Variants in RCAN2 observed in about 807,000 individuals in gnomAD.
The protein encoded by RCAN2 is calcipressin-2.
A neutral mutation model predicts 23.6 loss-of-function variants in RCAN2; 9 were observed. The ratio of observed to expected loss-of-function variants is 0.38; its 90% CI spans 0.23 to 0.67. RCAN2 has a LOEUF of 0.67. Ranked by LOEUF, RCAN2 falls within the 30% of genes least tolerant of loss-of-function variation. The pLI, the probability that RCAN2 is intolerant of heterozygous loss-of-function variation, is 0.51. For missense variants in RCAN2, 273 were observed against 302.3 expected (o/e 0.90, Z 0.72); for synonymous variants, 109 against 115.7 (o/e 0.94, Z 0.37).
intron 4 of RCAN2, among the ~76,000 whole-genome samples, chr6:46,229,201 C>T (rs956379673): frequency 6.6e-6 from 1 of 152,160 alleles, no homozygotes. Flanking sequence ...CTGCCCTTAA[C>T]ATTTTTTCCT....
At chr6:46,367,690 GATTTA>G (rs1349097046) in intron 2 of RCAN2, among the ~76,000 whole-genome samples, 1 of 152,068 alleles carries the variant, frequency 6.6e-6, no homozygotes, top group East Asian at 1.9e-4. Context: ...TTTTCTTTCT[GATTTA>G]ATTTTTCTTA....
At chr6:46,298,406 A>C (rs970871684) in intron 2 of RCAN2, among the ~76,000 whole-genome samples, 1 of 152,074 alleles carries the variant, frequency 6.6e-6, no homozygotes, top group African/African-American at 2.4e-5. Context: ...TGAGCAAACC[A>C]GGTATCACAT....
intron 1 of RCAN2, among the ~76,000 whole-genome samples, chr6:46,462,990 C>T (rs1768267292): frequency 6.6e-6 from 1 of 152,142 alleles, no homozygotes; most frequent in South Asian, 2.1e-4. Flanking sequence ...ATGAGAACAA[C>T]CTGGGAGCCA....
intron 1 of RCAN2, among the ~76,000 whole-genome samples, chr6:46,480,798 TG>T (rs1261231640): frequency 6.6e-6 from 1 of 152,134 alleles, no homozygotes; most frequent in African/African-American, 2.4e-5. Context: ...GCTAATTTTT[TG>T]TTTTAGTAGA....
intron 2 of RCAN2, among the ~76,000 whole-genome samples, chr6:46,423,719 A>G (rs915831722): frequency 6.6e-6 from 1 of 152,136 alleles, no homozygotes; most frequent in African/African-American, 2.4e-5. Context: ...ATTGTCTTAG[A>G]TAGTTACAAT....
chr6:46,461,151 G>A (rs978310150), intron 1 of RCAN2, among the ~76,000 whole-genome samples: 1 of 152,116 alleles, frequency 6.6e-6, no homozygotes, highest in African/African-American at 2.4e-5. Context: ...TAACATTTTG[G>A]TATATTTCAT....
intron 2 of RCAN2, among the ~76,000 whole-genome samples, chr6:46,418,266 T>C (rs1424733849): frequency 7.2e-5 from 11 of 152,186 alleles, no homozygotes; most frequent in African/African-American, 2.2e-4. Flanking sequence ...AACTAAGTTA[T>C]ATAAATGTGC....
intron 4 of RCAN2, among the ~76,000 whole-genome samples, chr6:46,227,890 C>T (rs569399320): frequency 3.4e-4 from 52 of 152,194 alleles, no homozygotes; most frequent in Middle Eastern, 3.4e-3. Context: ...TAGATCTTTC[C>T]TGCTTTCTCT....
At chr6:46,474,001 G>A (rs1210485258) in intron 1 of RCAN2, among the ~76,000 whole-genome samples, 2 of 152,168 alleles carry the variant, frequency 1.3e-5, no homozygotes, top group Non-Finnish European at 2.9e-5. Context: ...GACTCATCCT[G>A]AGTGGGTGGT....
At chr6:46,350,627 G>A (rs889803231) in intron 2 of RCAN2, among the ~76,000 whole-genome samples, 3 of 152,300 alleles carry the variant, frequency 2.0e-5, no homozygotes, top group Non-Finnish European at 2.9e-5. Flanking sequence ...GGCAAGCTAT[G>A]AGCTGAATAA....
chr6:46,452,940 T>TA (rs1406062438), intron 2 of RCAN2, among the ~76,000 whole-genome samples: 1 of 151,982 alleles, frequency 6.6e-6, no homozygotes, highest in Non-Finnish European at 1.5e-5. Flanking sequence ...AGTATAATAA[T>TA]AAAAAAAAGT....
chr6:46,339,930 G>T (rs6911474), intron 2 of RCAN2, among the ~76,000 whole-genome samples: 64,029 of 151,760 alleles, frequency 0.42, 14,942 homozygotes, highest in East Asian at 0.6. Context: ...TAATGTATAT[G>T]ACTTTCACAT....
chr6:46,433,669 C>T (rs549531719), intron 2 of RCAN2, among the ~76,000 whole-genome samples: 1 of 152,296 alleles, frequency 6.6e-6, no homozygotes, highest in East Asian at 1.9e-4. Context: ...GAAATGGATT[C>T]TTCTCAAGAG....
intron 2 of RCAN2, among the ~76,000 whole-genome samples, chr6:46,257,307 A>G (rs1766951598): frequency 6.6e-6 from 1 of 152,222 alleles, no homozygotes; most frequent in Non-Finnish European, 1.5e-5. Flanking sequence ...CTAAAATATT[A>G]TCTCACTGAA....
At chr6:46,346,780 T>A (rs1764494870) in intron 2 of RCAN2, among the ~76,000 whole-genome samples, 1 of 152,030 alleles carries the variant, frequency 6.6e-6, no homozygotes, top group South Asian at 2.1e-4. Context: ...TTTTGTATTT[T>A]CTAAATCATC....
chr6:46,291,087 C>A (rs1372930818), intron 2 of RCAN2, among the ~76,000 whole-genome samples: 1 of 152,032 alleles, frequency 6.6e-6, no homozygotes, highest in Non-Finnish European at 1.5e-5. Flanking sequence ...AGTTTAGAAG[C>A]AAAGAGTACT....
At chr6:46,311,908 A>G (rs1763271167) in intron 2 of RCAN2, among the ~76,000 whole-genome samples, 1 of 152,104 alleles carries the variant, frequency 6.6e-6, no homozygotes, top group African/African-American at 2.4e-5. Flanking sequence ...TGGGCATAGG[A>G]CCACACAGGA....
intron 1 of RCAN2, among the ~76,000 whole-genome samples, chr6:46,462,742 T>G (rs1262164137): frequency 6.6e-6 from 1 of 152,226 alleles, no homozygotes; most frequent in Non-Finnish European, 1.5e-5. Flanking sequence ...TACATATGAT[T>G]AAACCCGGAG....
Position 46,443,593 on chromosome 6 carries a change from T to C in RCAN2, c.225+13159A>G, listed in dbSNP as rs190018813. On this transcript the variant is annotated intron_variant, in intron 2 of 4. Transcript: ENST00000371374. ...ATAAATCTGCTTAAGACACTTCTAA[T>C]TTTTTTATTCACTCGGCTTGCTAAA... Among the ~76,000 whole-genome samples the C allele has an allele frequency of 2.8e-4, 43 of 152,262 alleles. No individual in the cohort carries two copies. In the East Asian group the frequency reaches 5.4e-3, roughly 19 times the overall value.
Sources: gnomAD v4.1 joint callset for allele counts (sites outside exome capture counted in the v4.1 genomes callset) on GRCh38, gnomAD v4.1.1 for gene constraint, MANE v1.5 for transcripts, NCBI Gene and HGNC (gene_info 2026-07-23, HGNC 2026-07-21) for gene names.